Variants in UBE2E2 observed in about 807,000 individuals in gnomAD.
The protein encoded by UBE2E2 is ubiquitin conjugating enzyme E2 E2, also known as ubiquitin-conjugating enzyme E2 E2.
Under a neutral mutation model 24.7 loss-of-function variants are expected in UBE2E2, and 6 were observed. That is an observed-to-expected ratio of 0.24 (90% CI 0.13 to 0.48). UBE2E2 has a LOEUF of 0.48. Ranked by LOEUF, UBE2E2 falls within the 20% of genes least tolerant of loss-of-function variation. The probability of loss-of-function intolerance (pLI) is 0.99; values close to 1 mark genes in which losing one functional copy is unlikely to be tolerated. For synonymous variants in UBE2E2, 104 were observed against 83.6 expected (o/e 1.24, Z -1.33); for missense variants, 169 against 245.0 (o/e 0.69, Z 2.07).
chr3:23,241,900 C>G (rs762252872), intron 3 of UBE2E2, among the ~76,000 whole-genome samples: 2 of 152,098 alleles, frequency 1.3e-5, no homozygotes, highest in Non-Finnish European at 2.9e-5. Context: ...TCTCCCCAAG[C>G]CTGATGTTTT....
chr3:23,212,802 G>T lies in UBE2E2; in HGVS notation c.176+3927G>T, dbSNP rs1426053849. Among the ~76,000 whole-genome samples the T allele has an allele frequency of 2.0e-5, 3 of 151,816 alleles. No individual in the cohort carries two copies. In the East Asian group the frequency reaches 5.8e-4, roughly 29 times the overall value. On this transcript the variant is annotated intron_variant, in intron 2 of 5. Coordinates refer to ENST00000396703, the MANE Select transcript of UBE2E2 (RefSeq NM_152653.4). ...AAACTTTTTAATGTTTCTGAAATTG[G>T]GACACATCTTAAAATTTATGTGCAC...
At chr3:23,444,072 T>TG (rs1452482342) in intron 3 of UBE2E2, among the ~76,000 whole-genome samples, 2 of 151,504 alleles carry the variant, frequency 1.3e-5, no homozygotes, top group East Asian at 1.9e-4. Context: ...TTTGTTTTTT[T>TG]TTTTTTTTTT....
At chr3:23,394,997 C>T (rs1415124728) in intron 3 of UBE2E2, among the ~76,000 whole-genome samples, 1 of 152,116 alleles carries the variant, frequency 6.6e-6, no homozygotes, top group African/African-American at 2.4e-5. Flanking sequence ...GGAGGAAAAG[C>T]CCTCCTCTTC....
intron 3 of UBE2E2, among the ~76,000 whole-genome samples, chr3:23,289,473 C>A (rs1293292421): frequency 3.9e-5 from 6 of 152,144 alleles, no homozygotes; most frequent in Admixed American, 2.0e-4. Flanking sequence ...TAAGCAAAAG[C>A]AATTTGACAC....
rs1046443529 is a variant in UBE2E2 at position 23,280,565 on chromosome 3, G to A, written c.227+63253G>A. Among the ~76,000 whole-genome samples the A allele has an allele frequency of 6.6e-6, 1 of 152,106 alleles. No homozygotes were observed. The highest frequency in any genetic ancestry group is 1.5e-5 in the Non-Finnish European group (1 of 68,012). On this transcript the variant is annotated intron_variant, in intron 3 of 5. Coordinates refer to ENST00000396703, the MANE Select transcript of UBE2E2 (RefSeq NM_152653.4). This position sits in a 1 kb window ranked among gnomAD's most constrained non-coding sequence, Gnocchi z 4.3. ...CAGTGTTGAGGTTGTCCTTTACTTG[G>A]GAAGCCTGTTGACCCAACAGCAACC... is the stretch of plus-strand genomic sequence containing the variant.
chr3:23,387,752 G>T (rs1193822985), intron 3 of UBE2E2, among the ~76,000 whole-genome samples: 2 of 152,184 alleles, frequency 1.3e-5, no homozygotes, highest in Non-Finnish European at 2.9e-5. Flanking sequence ...ATAAATTACA[G>T]TTGTAGCAGA....
intron 3 of UBE2E2, among the ~76,000 whole-genome samples, chr3:23,228,134 G>T (rs1696874804): frequency 6.6e-6 from 1 of 152,124 alleles, no homozygotes; most frequent in Non-Finnish European, 1.5e-5. Flanking sequence ...ATTTCAAAAT[G>T]TTATTGTTTT....
intron 5 of UBE2E2, among the ~76,000 whole-genome samples, chr3:23,541,195 A>T (rs17013439): frequency 0.014 from 2,159 of 152,338 alleles, 51 homozygotes; most frequent in African/African-American, 0.049. Context: ...GAATTAATGT[A>T]ACACTACCAA....
intron 3 of UBE2E2, among the ~76,000 whole-genome samples, chr3:23,303,500 T>C (rs1188766767): frequency 6.6e-6 from 1 of 152,196 alleles, no homozygotes; most frequent in Non-Finnish European, 1.5e-5. Context: ...AGGAAGGATG[T>C]ACAATTTATT....
At chr3:23,381,478 T>G (rs941604948) in intron 3 of UBE2E2, among the ~76,000 whole-genome samples, 11 of 152,194 alleles carry the variant, frequency 7.2e-5, no homozygotes, top group African/African-American at 2.7e-4. Context: ...GTATAGGATT[T>G]AATTTGTTTA....
intron 3 of UBE2E2, among the ~76,000 whole-genome samples, chr3:23,461,584 A>G (rs933990136): frequency 1.3e-5 from 2 of 152,100 alleles, no homozygotes; most frequent in Non-Finnish European, 2.9e-5. Flanking sequence ...GCAATTTTCT[A>G]TTTACCATTA....
At chr3:23,350,500 C>T (rs998293351) in intron 3 of UBE2E2, among the ~76,000 whole-genome samples, 2 of 152,164 alleles carry the variant, frequency 1.3e-5, no homozygotes, top group African/African-American at 4.8e-5. Context: ...AAAATTTAGA[C>T]GAATGTATAA....
chr3:23,317,113 G>C (rs948994672), intron 3 of UBE2E2, among the ~76,000 whole-genome samples: 5 of 152,178 alleles, frequency 3.3e-5, no homozygotes, highest in African/African-American at 1.2e-4. Flanking sequence ...TCCTTGGCTG[G>C]TGTGTCACTA....
intron 3 of UBE2E2, among the ~76,000 whole-genome samples, chr3:23,357,506 C>A (rs1306606918): frequency 6.6e-6 from 1 of 151,776 alleles, no homozygotes; most frequent in Non-Finnish European, 1.5e-5. Flanking sequence ...GCATAACAGG[C>A]AGGTTTAGCA....
chr3:23,476,938 G>A (rs1169748402), intron 3 of UBE2E2, among the ~76,000 whole-genome samples: 1 of 152,050 alleles, frequency 6.6e-6, no homozygotes, highest in Non-Finnish European at 1.5e-5. Context: ...CTAGAAGTTT[G>A]TGTTAAGTTC....
intron 3 of UBE2E2, among the ~76,000 whole-genome samples, chr3:23,355,567 T>G (rs1409093556): frequency 6.6e-6 from 1 of 152,202 alleles, no homozygotes; most frequent in Non-Finnish European, 1.5e-5. Context: ...TGTGATGATT[T>G]GAAATAGCGA....
At chr3:23,440,226 A>T (rs1314080767) in intron 3 of UBE2E2, among the ~76,000 whole-genome samples, 1 of 152,108 alleles carries the variant, frequency 6.6e-6, no homozygotes, top group East Asian at 1.9e-4. Context: ...GTGAGCCAAG[A>T]TCACGCCACT....
At chr3:23,267,340 C>G (rs139058300) in intron 3 of UBE2E2, among the ~76,000 whole-genome samples, 6,437 of 152,124 alleles carry the variant, frequency 0.042, 467 homozygotes, top group African/African-American at 0.15. Context: ...AGAGAAGAAT[C>G]AAGTAGACGC....
At chr3:23,580,413 T>A (rs1696449701) in intron 5 of UBE2E2, among the ~76,000 whole-genome samples, 1 of 152,236 alleles carries the variant, frequency 6.6e-6, no homozygotes, top group African/African-American at 2.4e-5. Context: ...GTAAAAAGAT[T>A]ACGACTTACT....
Sources: allele counts gnomAD v4.1 joint callset (sites outside exome capture counted in the v4.1 genomes callset), GRCh38; gene constraint gnomAD v4.1.1; non-coding constraint Gnocchi (gnomAD v3.1); transcripts MANE v1.5; gene names NCBI Gene and HGNC (gene_info 2026-07-23, HGNC 2026-07-21).